GM2A: variants seen among roughly 807,000 people sequenced by gnomAD.
The protein encoded by GM2A is GM2 ganglioside activator.
Under a neutral mutation model 12.9 loss-of-function variants are expected in GM2A, and 7 were observed. That is an observed-to-expected ratio of 0.54 (90% CI 0.31 to 1.02). The LOEUF is 1.02. Ranked by LOEUF, GM2A falls within the 50% of genes least tolerant of loss-of-function variation. GM2A has a pLI of 0.05. For missense variants in GM2A, 246 were observed against 241.0 expected (o/e 1.02, Z -0.14); for synonymous variants, 101 against 96.0 (o/e 1.05, Z -0.30).
At chr5:151,261,475 G>T (rs1169112221) in intron 2 of GM2A, among the ~76,000 whole-genome samples, 4 of 152,206 alleles carry the variant, frequency 2.6e-5, no homozygotes, top group African/African-American at 9.7e-5. Flanking sequence ...TTCTTACTCT[G>T]TTGCCTAGGC....
chr5:151,263,480 A>G lies in GM2A; in HGVS notation c.244-3251A>G, dbSNP rs1424983362. Reference sequence around the variant, plus strand: ...ATGAAAGCTCTTCTGACCACTTGCTAGGGAGAAGAGCCGATGAGGGACAAA... The same window carrying G: ...ATGAAAGCTCTTCTGACCACTTGCTGGGGAGAAGAGCCGATGAGGGACAAA... On this transcript the variant is annotated intron_variant, in intron 2 of 3. Transcript: ENST00000357164. Among the ~76,000 whole-genome samples, 3 of 152,184 alleles carry G rather than the reference A, an allele frequency of 2.0e-5. No individual in the cohort carries two copies. The East Asian group carries it at 5.8e-4, about 29-fold the overall frequency.
rs777663333 is a variant in GM2A, at chr5:151,266,924, A to T, written c.426+11A>T. On this transcript the variant is annotated intron_variant, in intron 3 of 3. Transcript: ENST00000357164. ...TGTCCCTTCAAAGAAGTAAGTACTT[A>T]GGGAGGAGAGAGCGTTACCCCTGTG... 1 of 1,605,690 alleles carries T rather than the reference A, an allele frequency of 6.2e-7. No individual in the cohort carries two copies. The highest frequency in any genetic ancestry group is 1.7e-5 in the Admixed American group (1 of 59,992).
intron 2 of GM2A, among the ~76,000 whole-genome samples, chr5:151,263,087 TTC>T (rs1462329869): frequency 6.7e-6 from 1 of 149,622 alleles, no homozygotes; most frequent in African/African-American, 2.5e-5. Context: ...TTTCCCCAAT[TTC>T]TTTTTTTTTT....
In GM2A at chr5:151,267,284, G is replaced by A. The variant is rs1344677939; in HGVS notation, c.427-12G>A. 5 of 1,614,040 alleles carry A rather than the reference G, an allele frequency of 3.1e-6. No individual in the cohort carries two copies. In the Admixed American group the frequency reaches 6.7e-5, roughly 22 times the overall value. ...GCTCCCACTGACTGGCGGTCCACTG[G>A]CTTTCCCGCAGGGAACCTACTCACT... On this transcript the variant is annotated splice_polypyrimidine_tract_variant and intron_variant, in intron 3 of 3. Coordinates refer to ENST00000357164, the MANE Select transcript of GM2A (RefSeq NM_000405.5).
At chr5:151,259,324 C>T (rs1418792554) in intron 1 of GM2A, among the ~76,000 whole-genome samples, 2 of 152,084 alleles carry the variant, frequency 1.3e-5, no homozygotes, top group African/African-American at 2.4e-5. Flanking sequence ...CGGGGTGTGA[C>T]ATGAACAAGG....
chr5:151,259,848 A>G lies in GM2A; in HGVS notation c.175A>G (p.Ile59Val), dbSNP rs153477. The G allele has an allele frequency of 0.63, 1,020,737 of 1,609,530 alleles. 326,470 individuals carry two copies. Among genetic ancestry groups the G allele is most frequent in the South Asian group, 0.77 (69,883 of 90,996 alleles). ...CCTGACTCTGGAGCCTGACCCCATC[A>G]TCGTTCCTGGAAATGTGACCCTCAG... ...RSLTLEPDPI[I>V]VPGNVTLSVM... The change falls in exon 2 of 4, where the codon ATC becomes GTC. Residue 59 changes from isoleucine to valine, a missense_variant. Physicochemically the swap from Ile to Val is conservative, Grantham distance 29 (BLOSUM62 3). Coordinates refer to ENST00000357164, the MANE Select transcript of GM2A (RefSeq NM_000405.5).
intron 1 of GM2A, among the ~76,000 whole-genome samples, 159 bp from the exon 2 acceptor site, chr5:151,259,596 C>T (rs557498468): frequency 6.6e-6 from 1 of 152,260 alleles, no homozygotes; most frequent in South Asian, 2.1e-4. Context: ...TAAGTGTTAT[C>T]CCAGCTTCAT....
At chr5:151,264,795 C>T (rs904684859) in intron 2 of GM2A, among the ~76,000 whole-genome samples, 1 of 152,128 alleles carries the variant, frequency 6.6e-6, no homozygotes, top group East Asian at 1.9e-4. Flanking sequence ...GCCTGACCAA[C>T]ATGGTGAAAC....
At chr5:151,263,085 A>ATTTC (rs1753825724) in intron 2 of GM2A, among the ~76,000 whole-genome samples, 1 of 135,432 alleles carries the variant, frequency 7.4e-6, no homozygotes, top group African/African-American at 2.8e-5. Flanking sequence ...TTTTTCCCCA[A>ATTTC]TTTCTTTTTT....
intron 2 of GM2A, among the ~76,000 whole-genome samples, chr5:151,262,197 G>A (rs1753810721): frequency 1.3e-5 from 2 of 152,136 alleles, no homozygotes. Context: ...TATATCCATT[G>A]CAACACCATT....
chr5:151,267,253 C>A (rs375712465), intron 3 of GM2A, 43 bp from the exon 4 acceptor site: 1 of 1,613,660 alleles, frequency 6.2e-7, no homozygotes. Context: ...AAGACCCCAT[C>A]AGTAGGCTCC....
At position 151,268,522 on chromosome 5, in the gene GM2A, T is replaced by G. The variant is rs1753942043; in HGVS notation, c.*1071T>G. ...CTTACACAGAAAGTCACAGCACATG[T>G]GCCCATTGATACAAGGCTGCTGAGG... On this transcript the variant is annotated 3_prime_UTR_variant, in exon 4 of 4. Transcript: ENST00000357164. The G allele has an allele frequency of 1.1e-5, 11 of 985,438 alleles. No individual in the cohort carries two copies. The highest frequency in any genetic ancestry group is 1.3e-5 in the Non-Finnish European group (11 of 829,956). 61.0% of individuals were successfully genotyped at this position (985,438 alleles called of 1,614,324 possible). A position where few individuals can be genotyped will look rare whatever the true frequency, so the allele number is the denominator to read the frequency against.
At chr5:151,267,077 T>A (rs1355349996) in intron 3 of GM2A, 164 bp downstream of exon 3, 13 of 846,508 alleles carry the variant, frequency 1.5e-5, no homozygotes, top group Non-Finnish European at 2.3e-5. Flanking sequence ...CAGTTATCCA[T>A]CTACGAAATG....
intron 2 of GM2A, among the ~76,000 whole-genome samples, chr5:151,264,864 C>A (rs1024850147): frequency 6.6e-6 from 1 of 152,172 alleles, no homozygotes; most frequent in African/African-American, 2.4e-5. Flanking sequence ...TGCCTGTAAT[C>A]TCAGCTACTC....
rs1256627248 is a variant in GM2A, at chr5:151,259,910, T to A, written c.237T>A (p.Pro79=). 6.2e-7 allele frequency: 1 copy of A among 1,612,842 alleles called. No homozygotes were observed. Residue 79 remains proline, a synonymous_variant, in exon 2 of 4, where the codon CCT becomes CCA. Coordinates refer to ENST00000357164, the MANE Select transcript of GM2A (RefSeq NM_000405.5). The stretch of plus-strand genomic sequence containing the variant: ...GCACCAGTGTCCCCCTGAGTTCTCC[T>A]CTGAAGGTGAGCCTGGGGGTGGGTG... ...MGSTSVPLSS[P]LKVDLVLEKE...
chr5:151,254,178 T>A (rs1003585263), intron 1 of GM2A, among the ~76,000 whole-genome samples: 1 of 152,216 alleles, frequency 6.6e-6, no homozygotes, highest in Non-Finnish European at 1.5e-5. Context: ...TTAGGTTATT[T>A]CCATATCTTA....
chr5:151,267,845 G>A lies in GM2A; in HGVS notation c.*394G>A, dbSNP rs574467377. 99 of 1,169,882 alleles carry A rather than the reference G, an allele frequency of 8.5e-5. 1 individual carries two copies. The highest frequency in any genetic ancestry group is 8.4e-5 in the Non-Finnish European group (78 of 933,732). The allele number at this position is 1,169,882 out of a possible 1,614,324, so 72.5% of individuals were successfully genotyped here. ...TTTTTTTTGTCACTAAGTTAAAAGC[G>A]AAGTGAGAGTATTAACGTTTTTGTT... On this transcript the variant is annotated 3_prime_UTR_variant, in exon 4 of 4. Coordinates refer to ENST00000357164, the MANE Select transcript of GM2A (RefSeq NM_000405.5).
chr5:151,263,207 G>A (rs1033757249), intron 2 of GM2A, among the ~76,000 whole-genome samples: 9 of 148,748 alleles, frequency 6.1e-5, no homozygotes, highest in East Asian at 6.0e-4. Context: ...ATTCTCCTGC[G>A]TCAGCCTCCA....
intron 1 of GM2A, among the ~76,000 whole-genome samples, chr5:151,255,576 G>C (rs1753669900): frequency 6.6e-6 from 1 of 152,138 alleles, no homozygotes; most frequent in Admixed American, 6.5e-5. Flanking sequence ...GGGTGTGATG[G>C]TGCCAACGTG....
Sources: gnomAD v4.1 joint callset for allele counts (sites outside exome capture counted in the v4.1 genomes callset) on GRCh38, gnomAD v4.1.1 for gene constraint, MANE v1.5 for transcripts, NCBI Gene and HGNC (gene_info 2026-07-23, HGNC 2026-07-21) for gene names.